The following MACROD2 variants were observed in gnomAD, a reference collection of about 807,000 sequenced individuals.
MACROD2 encodes the protein mono-ADP ribosylhydrolase 2, also known as ADP-ribose glycohydrolase MACROD2.
Under a neutral mutation model 70.4 loss-of-function variants are expected in MACROD2, and 36 were observed. That is an observed-to-expected ratio of 0.51 (90% CI 0.39 to 0.68). The LOEUF (loss-of-function observed/expected upper bound fraction) is 0.68, where lower values mean the gene tolerates loss of function less well. Ranked by LOEUF, MACROD2 falls within the 30% of genes least tolerant of loss-of-function variation. The probability of loss-of-function intolerance (pLI) is 0.00; values close to 1 mark genes in which losing one functional copy is unlikely to be tolerated. For synonymous variants in MACROD2, 172 were observed against 178.8 expected (o/e 0.96, Z 0.30); for missense variants, 496 against 538.4 (o/e 0.92, Z 0.78).
chr20:15,000,538 G>A (rs1042686014), intron 5 of MACROD2, among the ~76,000 whole-genome samples: 1 of 141,922 alleles, frequency 7.0e-6, no homozygotes, highest in Admixed American at 7.0e-5. Context: ...CAGGAGAATG[G>A]CGTGAACCCG....
chr20:14,205,226 CCTT>C (rs1197850615), intron 3 of MACROD2, among the ~76,000 whole-genome samples: 1 of 152,108 alleles, frequency 6.6e-6, no homozygotes, highest in African/African-American at 2.4e-5. Flanking sequence ...TCTCTGGAAT[CCTT>C]CTTAAGATAA....
At chr20:14,268,020 CTTA>C (rs911191422) in intron 3 of MACROD2, among the ~76,000 whole-genome samples, 2 of 152,052 alleles carry the variant, frequency 1.3e-5, no homozygotes, top group Non-Finnish European at 2.9e-5. Flanking sequence ...ATTAACATTT[CTTA>C]TTATAAATAA....
At chr20:14,273,030 T>C (rs4316998) in intron 3 of MACROD2, among the ~76,000 whole-genome samples, 93,445 of 149,930 alleles carry the variant, frequency 0.62, 30,733 homozygotes, top group Non-Finnish European at 0.74. Flanking sequence ...CTTAGACTCC[T>C]ACACAATAAT....
At chr20:14,350,019 G>T (rs950758169) in intron 3 of MACROD2, among the ~76,000 whole-genome samples, 2 of 151,658 alleles carry the variant, frequency 1.3e-5, no homozygotes, top group African/African-American at 4.8e-5. Flanking sequence ...AAAGTGCTGG[G>T]ATTACAGGCG....
chr20:15,726,591 TG>T (rs2050865780), intron 8 of MACROD2, among the ~76,000 whole-genome samples: 1 of 152,134 alleles, frequency 6.6e-6, no homozygotes, highest in Non-Finnish European at 1.5e-5. Flanking sequence ...TGCCAGCATC[TG>T]TTATTTTTTG....
intron 5 of MACROD2, among the ~76,000 whole-genome samples, chr20:15,201,748 C>T (rs2076657844): frequency 6.6e-6 from 1 of 152,194 alleles, no homozygotes; most frequent in Non-Finnish European, 1.5e-5. Flanking sequence ...GAAAGGGTGT[C>T]CATCTCTGAT....
chr20:15,329,245 C>A (rs1014915185), intron 6 of MACROD2, among the ~76,000 whole-genome samples: 20 of 152,092 alleles, frequency 1.3e-4, no homozygotes, highest in African/African-American at 4.6e-4. Context: ...AGCTTAGAGA[C>A]AATCCCAAGG....
intron 10 of MACROD2, among the ~76,000 whole-genome samples, chr20:15,919,799 A>G (rs1395233441): frequency 1.3e-5 from 2 of 152,150 alleles, no homozygotes; most frequent in Admixed American, 6.6e-5. Context: ...GTCAGCGGGT[A>G]TTGCCCTGTT....
intron 5 of MACROD2, among the ~76,000 whole-genome samples, chr20:15,095,830 A>T (rs1452784483): frequency 6.6e-6 from 1 of 151,120 alleles, no homozygotes; most frequent in East Asian, 1.9e-4. Flanking sequence ...AAGGTTCTTC[A>T]GTTCTTTATG....
intron 8 of MACROD2, among the ~76,000 whole-genome samples, chr20:15,794,456 T>G (rs973355724): frequency 2.6e-5 from 4 of 152,204 alleles, no homozygotes; most frequent in Admixed American, 2.6e-4. Context: ...AAACAGGCAT[T>G]GCACTAGACC....
At chr20:14,590,765 G>T (rs981533438) in intron 4 of MACROD2, among the ~76,000 whole-genome samples, 1 of 151,832 alleles carries the variant, frequency 6.6e-6, no homozygotes, top group Non-Finnish European at 1.5e-5. Context: ...AATATTTTGC[G>T]TATTTAGATG....
intron 5 of MACROD2, among the ~76,000 whole-genome samples, chr20:14,909,954 A>T (rs973925955): frequency 2.6e-5 from 4 of 152,166 alleles, no homozygotes; most frequent in African/African-American, 9.7e-5. Context: ...GACAGCTCCA[A>T]TGTAGATTCT....
chr20:15,457,887 C>T (rs2046749602), intron 7 of MACROD2, among the ~76,000 whole-genome samples: 1 of 149,934 alleles, frequency 6.7e-6, no homozygotes. Context: ...GGTTTCCCTT[C>T]TTCCATAAAA....
intron 5 of MACROD2, among the ~76,000 whole-genome samples, chr20:14,733,229 T>C (rs1378018511): frequency 6.6e-6 from 1 of 152,162 alleles, no homozygotes; most frequent in Non-Finnish European, 1.5e-5. Flanking sequence ...AAATTCATAG[T>C]GTTTATCTTT....
At chr20:15,333,438 G>A (rs2078014772) in intron 6 of MACROD2, among the ~76,000 whole-genome samples, 1 of 151,632 alleles carries the variant, frequency 6.6e-6, no homozygotes, top group South Asian at 2.1e-4. Context: ...TTTTTGAAAT[G>A]CAGAATTGAG....
chr20:14,411,527 G>A (rs6042714), intron 3 of MACROD2, among the ~76,000 whole-genome samples: 2,661 of 152,056 alleles, frequency 0.018, 88 homozygotes, highest in African/African-American at 0.06. Flanking sequence ...GAAGGTCTGA[G>A]GTTAAAGGAT....
In MACROD2 at chr20:15,862,865, A is replaced by G. The variant is rs569198728; in HGVS notation, c.727+39A>G. The G allele has an allele frequency of 5.4e-5, 80 of 1,487,578 alleles. No homozygotes were observed. In the South Asian group the frequency reaches 8.6e-4, roughly 16 times the overall value. 92.1% of individuals were successfully genotyped at this position (1,487,578 alleles called of 1,614,324 possible). On this transcript the variant is annotated intron_variant, in intron 9 of 17. Coordinates refer to ENST00000684519, the MANE Select transcript of MACROD2 (RefSeq NM_001351661.2). ...CTTCTTGTTTTCTTTCAAATTGAGGATGGAAGAAGTGGAGCCGTCACTTCT... is the reference window on the plus strand; with the variant it reads ...CTTCTTGTTTTCTTTCAAATTGAGGGTGGAAGAAGTGGAGCCGTCACTTCT...
chr20:15,175,184 A>T (rs2076450960), intron 5 of MACROD2, among the ~76,000 whole-genome samples: 1 of 151,088 alleles, frequency 6.6e-6, no homozygotes, highest in Admixed American at 6.6e-5. Flanking sequence ...AAGAACAAAA[A>T]ACCAAACACC....
chr20:14,961,657 C>A (rs989796807), intron 5 of MACROD2, among the ~76,000 whole-genome samples: 2 of 151,942 alleles, frequency 1.3e-5, no homozygotes, highest in African/African-American at 4.8e-5. Context: ...CCTCAACTCC[C>A]CATCCCACTT....
Sources: gnomAD v4.1 joint callset for allele counts (sites outside exome capture counted in the v4.1 genomes callset) on GRCh38, gnomAD v4.1.1 for gene constraint, MANE v1.5 for transcripts, NCBI Gene and HGNC (gene_info 2026-07-23, HGNC 2026-07-21) for gene names.